PRH1: variants seen among roughly 807,000 people sequenced by gnomAD.
PRH1 encodes the protein proline rich protein HaeIII subfamily 1.
PRH1 carries 7 observed loss-of-function variants against 7.9 expected under a neutral mutation model. The observed-to-expected ratio is 0.89, with a 90% CI of 0.50 to 1.67. The LOEUF (loss-of-function observed/expected upper bound fraction) is 1.67. Among genes scored for constraint, PRH1 ranks in the 40% most tolerant of loss-of-function variants. The pLI is 0.00. For missense variants in PRH1, 109 were observed against 223.6 expected, an observed-to-expected ratio of 0.49 and a Z score of 3.27; for synonymous variants, 45 against 80.8, an observed-to-expected ratio of 0.56 and a Z score of 2.38.
chr12:10,926,161 T>G (rs1329421740), intron 2 of PRH1, among the ~76,000 whole-genome samples: 1 of 152,196 alleles, frequency 6.6e-6, no homozygotes, highest in East Asian at 1.9e-4. Context: ...CAAAGCAAAG[T>G]TGAAGTCTCA....
At chr12:11,127,489 C>A (rs1191223921) in intron 1 of PRH1, among the ~76,000 whole-genome samples, 7 of 152,274 alleles carry the variant, frequency 4.6e-5, no homozygotes, top group African/African-American at 1.7e-4. Context: ...TGAATCCCAA[C>A]TTTTCTACCA....
intron 2 of PRH1, among the ~76,000 whole-genome samples, chr12:10,954,351 T>A (rs1304450590): frequency 1.3e-5 from 2 of 152,244 alleles, no homozygotes; most frequent in South Asian, 4.1e-4. Flanking sequence ...AATGGTATAG[T>A]GTCTTCAAGA....
At chr12:10,901,546 G>T (rs1949723967) in intron 2 of PRH1, among the ~76,000 whole-genome samples, 1 of 152,132 alleles carries the variant, frequency 6.6e-6, no homozygotes, top group Non-Finnish European at 1.5e-5. Flanking sequence ...GCTGAGCAGG[G>T]AGTTCACACC....
chr12:10,884,334 C>G (rs190022776), upstream of PRH1: 45 of 1,268,442 alleles, frequency 3.5e-5, no homozygotes, highest in East Asian at 4.7e-5. Flanking sequence ...TGGGCCTCCT[C>G]GCCTCAGAGA....
chr12:11,089,925 G>A (rs530266964), intron 1 of PRH1, among the ~76,000 whole-genome samples: 1 of 115,384 alleles, frequency 8.7e-6, no homozygotes, highest in African/African-American at 2.9e-5. Context: ...TTTCCTTAGA[G>A]GAAGGATTCT....
intron 2 of PRH1, chr12:10,908,401 A>G (rs1274871306): frequency 1.2e-6 from 2 of 1,612,474 alleles, no homozygotes; most frequent in African/African-American, 1.3e-5. Context: ...CGTTTAGCCC[A>G]TACCTTAGCT....
intron 2 of PRH1, chr12:10,938,650 GAAC>G: frequency 6.2e-7 from 1 of 1,613,932 alleles, no homozygotes. Context: ...GTATGAAAAT[GAAC>G]ACAGTGCTGG....
chr12:11,146,604 T>G (rs192972889), intron 1 of PRH1, among the ~76,000 whole-genome samples: 2 of 152,264 alleles, frequency 1.3e-5, no homozygotes, highest in Admixed American at 6.5e-5. Flanking sequence ...CTTATCAAAC[T>G]TTTCCTTTAT....
intron 2 of PRH1, chr12:10,908,082 T>C (rs1223656719): frequency 1.7e-5 from 5 of 286,922 alleles, no homozygotes; most frequent in East Asian, 6.3e-5. Context: ...AAACAAAAGA[T>C]TGTAGATTTA....
chr12:11,088,230 G>T (rs1944774402), intron 1 of PRH1, among the ~76,000 whole-genome samples: 1 of 127,888 alleles, frequency 7.8e-6, no homozygotes, highest in South Asian at 2.3e-4. Flanking sequence ...AGTCCCAGCT[G>T]CTAGCAATGC....
chr12:10,946,406 C>T (rs1487201495), intron 2 of PRH1, among the ~76,000 whole-genome samples: 2 of 152,160 alleles, frequency 1.3e-5, no homozygotes, highest in African/African-American at 4.8e-5. Flanking sequence ...TCTATCTCTT[C>T]TAGGTTTTCT....
chr12:11,099,616 G>A (rs982909256), intron 1 of PRH1, among the ~76,000 whole-genome samples: 1 of 152,158 alleles, frequency 6.6e-6, no homozygotes, highest in African/African-American at 2.4e-5. Context: ...AGAATCGCTT[G>A]AACCCTGGAG....
rs186156698 is a variant in PRH1, at chr12:10,967,177, C to A, written c.-59+6478G>T. On this transcript the variant is annotated intron_variant, in intron 2 of 3. Coordinates refer to the PRH1 transcript ENST00000539853. ...GGAAAGATCTGGGTACTTCAGGTAGCGTCTTCTCTTATTTCTACATGTTGT... is the reference window on the plus strand; with the variant it reads ...GGAAAGATCTGGGTACTTCAGGTAGAGTCTTCTCTTATTTCTACATGTTGT... Among the ~76,000 whole-genome samples the A allele has an allele frequency of 2.5e-4, 38 of 150,724 alleles. No individual in the cohort carries two copies. In the East Asian group the frequency reaches 7.0e-3, roughly 28 times the overall value.
intron 2 of PRH1, among the ~76,000 whole-genome samples, chr12:10,949,355 G>C (rs1950535357): frequency 6.6e-6 from 1 of 152,226 alleles, no homozygotes; most frequent in Non-Finnish European, 1.5e-5. Flanking sequence ...TAGGATCTTT[G>C]CTCCTTCATT....
At chr12:11,142,123 G>C (rs1946718552) in intron 1 of PRH1, among the ~76,000 whole-genome samples, 1 of 151,950 alleles carries the variant, frequency 6.6e-6, no homozygotes, top group African/African-American at 2.4e-5. Context: ...GAACACACAA[G>C]GTTAAGAAAG....
chr12:11,112,118 C>T (rs1394218569), intron 1 of PRH1, among the ~76,000 whole-genome samples: 1 of 152,140 alleles, frequency 6.6e-6, no homozygotes, highest in Non-Finnish European at 1.5e-5. Flanking sequence ...AGTCAAATCC[C>T]TGAATAGACC....
chr12:10,881,083 A>T (rs1318552671), intron 3 of PRH1, 27 bp from the exon 4 acceptor site: 1 of 183,482 alleles, frequency 5.5e-6, no homozygotes, highest in Non-Finnish European at 1.3e-5. Context: ...AACAAGGAAG[A>T]TTACAGACAA....
chr12:11,057,180 AT>A (rs1342326957), intron 1 of PRH1, among the ~76,000 whole-genome samples: 1 of 151,868 alleles, frequency 6.6e-6, no homozygotes, highest in Admixed American at 6.6e-5. Flanking sequence ...TAATTTTTCA[AT>A]TTTTTGTAGA....
At chr12:11,086,339 C>CAG (rs201992933) in intron 1 of PRH1, among the ~76,000 whole-genome samples, 1 of 114,724 alleles carries the variant, frequency 8.7e-6, no homozygotes, top group African/African-American at 3.1e-5. Context: ...ACTTAAAAAA[C>CAG]GTGTTCCATT....
Sources: gnomAD v4.1 joint callset for allele counts (sites outside exome capture counted in the v4.1 genomes callset) on GRCh38, gnomAD v4.1.1 for gene constraint, MANE v1.5 for transcripts, NCBI Gene and HGNC (gene_info 2026-07-23, HGNC 2026-07-21) for gene names.